Variants in ZNF730 observed in about 807,000 individuals in gnomAD.
The protein encoded by ZNF730 is zinc finger protein 730.
Under a neutral mutation model 12.6 loss-of-function variants are expected in ZNF730, and 12 were observed. The observed-to-expected ratio is 0.95, with a 90% CI of 0.61 to 1.54. ZNF730 has a LOEUF of 1.54. Among genes scored for constraint, ZNF730 ranks in the 40% most tolerant of loss-of-function variants. The pLI is 0.00. For missense variants in ZNF730, 643 were observed against 583.5 expected (o/e 1.10, Z -1.05); for synonymous variants, 194 against 195.8 (o/e 0.99, Z 0.08).
At chr19:23,134,294 T>TTTTTTC (rs1229991758) in intron 2 of ZNF730, 88 bp downstream of exon 2, 24 of 1,216,790 alleles carry the variant, frequency 2.0e-5, no homozygotes, top group Admixed American at 8.0e-5. Context: ...GATCCCGGGT[T>TTTTTTC]TTTTTCTTTT....
Position 23,145,404 on chromosome 19 carries a change from G to A in ZNF730, c.360G>A (p.Val120=), listed in dbSNP as rs1327206229. 4 of 1,587,904 alleles carry A rather than the reference G, an allele frequency of 2.5e-6. No individual in the cohort carries two copies. The East Asian group carries it at 6.9e-5, about 27-fold the overall frequency. The change falls in exon 4 of 4, where the codon GTG becomes GTA. Residue 120 remains valine, a synonymous_variant. Coordinates refer to ENST00000597761, the MANE Select transcript of ZNF730 (RefSeq NM_001277403.2). The part of the protein sequence containing the change: ...NLLLRKGCKN[V]DEFKMHKKGY... Reference sequence around the variant, plus strand: ...TGTTAAGAAAAGGCTGTAAAAATGTGGATGAGTTTAAGATGCACAAAAAAG... The same window carrying A: ...TGTTAAGAAAAGGCTGTAAAAATGTAGATGAGTTTAAGATGCACAAAAAAG...
At chr19:23,127,218 T>A (rs758009220) in intron 1 of ZNF730, 1 of 612,262 alleles carries the variant, frequency 1.6e-6, no homozygotes, top group Non-Finnish European at 3.1e-6. Flanking sequence ...CATCTGCTGA[T>A]TTAACCATGT....
intron 1 of ZNF730, chr19:23,124,109 T>C (rs929042079): frequency 2.0e-5 from 3 of 152,234 alleles, no homozygotes; most frequent in African/African-American, 7.2e-5. Flanking sequence ...AGAGTACTGC[T>C]GTGGCATTGG....
intron 1 of ZNF730, chr19:23,095,337 C>A (rs1970230705): frequency 2.5e-6 from 1 of 398,496 alleles, no homozygotes; most frequent in South Asian, 1.3e-4. Context: ...TCCATGTGGG[C>A]CATTGTGACA....
intron 1 of ZNF730, among the ~76,000 whole-genome samples, chr19:23,076,200 T>A (rs997312531): frequency 6.6e-6 from 1 of 152,244 alleles, no homozygotes; most frequent in Non-Finnish European, 1.5e-5. Flanking sequence ...TTGTCCTTTA[T>A]TGTACATTAG....
intron 3 of ZNF730, among the ~76,000 whole-genome samples, chr19:23,142,789 A>T (rs528049413): frequency 1.9e-5 from 2 of 108,044 alleles, no homozygotes; most frequent in East Asian, 5.8e-4. Context: ...TTATTTTATT[A>T]TTTTGATTCT....
chr19:23,140,660 A>T (rs535659555), intron 3 of ZNF730, among the ~76,000 whole-genome samples: 57 of 150,162 alleles, frequency 3.8e-4, no homozygotes, highest in African/African-American at 1.4e-3. Context: ...TTACCATCTT[A>T]AAACTATTTA....
chr19:23,116,192 G>A (rs1970517158), upstream of ZNF730, among the ~76,000 whole-genome samples: 1 of 152,146 alleles, frequency 6.6e-6, no homozygotes, highest in African/African-American at 2.4e-5. Flanking sequence ...GGACAGATCT[G>A]AAGACATAGA....
intron 1 of ZNF730, chr19:23,100,349 G>A (rs1970318093): frequency 1.3e-5 from 2 of 152,184 alleles, no homozygotes; most frequent in South Asian, 2.1e-4. Context: ...TAGAGTTAAT[G>A]TTGCTCCTAG....
At chr19:23,137,421 T>C (rs1323333942) in intron 3 of ZNF730, among the ~76,000 whole-genome samples, 1 of 152,228 alleles carries the variant, frequency 6.6e-6, no homozygotes, top group Admixed American at 6.5e-5. Context: ...TATAGTTGTA[T>C]GTTAATTTTC....
chr19:23,119,773 C>T (rs1012089435), intron 1 of ZNF730, among the ~76,000 whole-genome samples: 2 of 151,928 alleles, frequency 1.3e-5, no homozygotes, highest in Non-Finnish European at 2.9e-5. Flanking sequence ...GCCAAGATCG[C>T]GCCACTGCAC....
At chr19:23,093,722 G>A (rs1045473506) in intron 1 of ZNF730, among the ~76,000 whole-genome samples, 1 of 152,216 alleles carries the variant, frequency 6.6e-6, no homozygotes, top group African/African-American at 2.4e-5. Context: ...CAGGGGTAGG[G>A]TGGTCACTAA....
At chr19:23,116,573 CTTTTTT>C (rs5827552), upstream of ZNF730, among the ~76,000 whole-genome samples, 2 of 86,932 alleles carry the variant, frequency 2.3e-5, no homozygotes, top group Admixed American at 3.3e-4. Context: ...CTCCCAGCTA[CTTTTTT>C]TTTTTTTTTT....
intron 3 of ZNF730, among the ~76,000 whole-genome samples, chr19:23,144,763 C>T (rs1409214325): frequency 1.3e-5 from 2 of 149,676 alleles, no homozygotes; most frequent in African/African-American, 2.4e-5. Flanking sequence ...ATACCACAGT[C>T]TCTCTGATGC....
In ZNF730 at chr19:23,126,652, G is replaced by A. The variant is rs567696645; in HGVS notation, c.4-7428G>A. Reference sequence around the variant, plus strand: ...GCATGCTTCAGTTCTAACTCTGCCAGTTCCACTAGTTTTTTTTTTTTTCTG... The same window carrying A: ...GCATGCTTCAGTTCTAACTCTGCCAATTCCACTAGTTTTTTTTTTTTTCTG... On this transcript the variant is annotated intron_variant, in intron 1 of 3. Transcript: ENST00000597761. 15 of 473,164 alleles carry A rather than the reference G, an allele frequency of 3.2e-5. No individual in the cohort carries two copies. In the African/African-American group the frequency reaches 3.2e-4, roughly 10 times the overall value. 29.3% of individuals were successfully genotyped at this position (473,164 alleles called of 1,614,324 possible).
chr19:23,089,007 G>A (rs1970111983), intron 1 of ZNF730, among the ~76,000 whole-genome samples: 1 of 151,482 alleles, frequency 6.6e-6, no homozygotes, highest in Non-Finnish European at 1.5e-5. Flanking sequence ...CGAGTAGCTG[G>A]GATTACAGGC....
At chr19:23,115,136 T>A (rs977150563), upstream of ZNF730, among the ~76,000 whole-genome samples, 1 of 146,942 alleles carries the variant, frequency 6.8e-6, no homozygotes. Flanking sequence ...GGCACAAATC[T>A]AAAAAAAAAA....
intron 1 of ZNF730, among the ~76,000 whole-genome samples, chr19:23,110,544 G>T (rs952115543): frequency 6.6e-6 from 1 of 151,558 alleles, no homozygotes; most frequent in African/African-American, 2.4e-5. Flanking sequence ...GCCTCCCAAA[G>T]TGCTGGGATT....
chr19:23,107,520 G>C (rs1970410071), intron 1 of ZNF730, among the ~76,000 whole-genome samples: 1 of 145,618 alleles, frequency 6.9e-6, no homozygotes. Context: ...GTAGAGACAG[G>C]GTCTCACCAT....
Sources: gnomAD v4.1 joint callset for allele counts (sites outside exome capture counted in the v4.1 genomes callset) on GRCh38, gnomAD v4.1.1 for gene constraint, MANE v1.5 for transcripts, NCBI Gene and HGNC (gene_info 2026-07-23, HGNC 2026-07-21) for gene names.